SYNPR: variants seen among roughly 807,000 people sequenced by gnomAD.
SYNPR encodes the protein synaptoporin.
SYNPR carries 23 observed loss-of-function variants against 32.9 expected under a neutral mutation model. The ratio of observed to expected loss-of-function variants is 0.70; its 90% CI spans 0.50 to 0.99. SYNPR has a LOEUF of 0.99. SYNPR is among the 50% of genes least tolerant of loss of function. The pLI is 0.00. For synonymous variants in SYNPR, 146 were observed against 135.9 expected, an observed-to-expected ratio of 1.07 and a Z score of -0.52; for missense variants, 318 against 349.3, an observed-to-expected ratio of 0.91 and a Z score of 0.71.
upstream of SYNPR, among the ~76,000 whole-genome samples, chr3:63,274,066 G>A (rs367812755): frequency 7.9e-5 from 12 of 152,302 alleles, no homozygotes; most frequent in East Asian, 1.7e-3. Context: ...GAAATTTCAG[G>A]TTAGCAGCAT....
chr3:63,491,346 G>A (rs1036502531), intron 3 of SYNPR, among the ~76,000 whole-genome samples: 2 of 151,998 alleles, frequency 1.3e-5, no homozygotes, highest in African/African-American at 2.4e-5. Flanking sequence ...GGATGATTTG[G>A]AAAGGGTCCT....
the SYNPR span, among the ~76,000 whole-genome samples, chr3:63,202,256 A>G: frequency 6.6e-6 from 1 of 152,180 alleles, no homozygotes; most frequent in African/African-American, 2.4e-5. Context: ...TGTATTGGTG[A>G]TAATGACCAA....
intron 3 of SYNPR, among the ~76,000 whole-genome samples, chr3:63,516,708 T>A (rs1701807120): frequency 6.6e-6 from 1 of 152,122 alleles, no homozygotes; most frequent in Admixed American, 6.6e-5. Context: ...AATACTCAGT[T>A]ATATACAACT....
intron 2 of SYNPR, among the ~76,000 whole-genome samples, chr3:63,317,636 G>C (rs2087057096): frequency 6.6e-6 from 1 of 151,960 alleles, no homozygotes; most frequent in Non-Finnish European, 1.5e-5. Flanking sequence ...TGTTAGGTGA[G>C]TCTCCTGGAG....
intron 2 of SYNPR, among the ~76,000 whole-genome samples, chr3:63,345,880 T>A (rs1300849883): frequency 6.6e-6 from 1 of 152,020 alleles, no homozygotes; most frequent in Non-Finnish European, 1.5e-5. Context: ...AGTGGCGCAA[T>A]CTCAGCTCAC....
At chr3:63,528,857 T>A (rs1432323061) in intron 3 of SYNPR, among the ~76,000 whole-genome samples, 6 of 152,206 alleles carry the variant, frequency 3.9e-5, no homozygotes, top group African/African-American at 1.4e-4. Context: ...AAATATATGA[T>A]GTCTTCATCC....
intron 4 of SYNPR, among the ~76,000 whole-genome samples, chr3:63,570,205 G>T (rs562482378): frequency 6.6e-6 from 1 of 152,278 alleles, no homozygotes; most frequent in African/African-American, 2.4e-5. Flanking sequence ...ACACTTAGGG[G>T]AACAGGGCGG....
intron 3 of SYNPR, among the ~76,000 whole-genome samples, chr3:63,544,022 C>T (rs1179039703): frequency 6.6e-6 from 1 of 151,824 alleles, no homozygotes; most frequent in Non-Finnish European, 1.5e-5. Flanking sequence ...CTTTGTGGGC[C>T]AGGTTAAGGG....
chr3:63,451,938 C>T, intron 2 of SYNPR: 1 of 575,488 alleles, frequency 1.7e-6, no homozygotes, highest in Non-Finnish European at 3.1e-6. Context: ...CCTCAGCTCA[C>T]CTCTTCACTC....
At chr3:63,464,118 G>A (rs1206795050) in intron 2 of SYNPR, among the ~76,000 whole-genome samples, 1 of 152,134 alleles carries the variant, frequency 6.6e-6, no homozygotes, top group African/African-American at 2.4e-5. Flanking sequence ...TTAAATGCTT[G>A]CTATGAGTTG....
chr3:63,359,329 C>T (rs1283564100), intron 2 of SYNPR, among the ~76,000 whole-genome samples: 1 of 152,188 alleles, frequency 6.6e-6, no homozygotes, highest in Non-Finnish European at 1.5e-5. Flanking sequence ...AATTTCTGTA[C>T]CACTCACAGA....
chr3:63,431,408 C>T (rs931694978), intron 2 of SYNPR, among the ~76,000 whole-genome samples: 1 of 152,186 alleles, frequency 6.6e-6, no homozygotes, highest in Admixed American at 6.5e-5. Context: ...TTAGGTCTGT[C>T]CATTCATTCA....
chr3:63,598,308 C>T (rs924827097), intron 4 of SYNPR, among the ~76,000 whole-genome samples: 7 of 152,102 alleles, frequency 4.6e-5, no homozygotes, highest in Non-Finnish European at 1.0e-4. Flanking sequence ...CTTTTCTATA[C>T]CCCAGGGTGA....
intron 2 of SYNPR, among the ~76,000 whole-genome samples, chr3:63,457,884 A>G (rs1376638009): frequency 1.3e-5 from 2 of 152,100 alleles, no homozygotes; most frequent in Non-Finnish European, 2.9e-5. Context: ...TTTGGATATT[A>G]CTGATAACTC....
At position 63,284,366 on chromosome 3, in the gene SYNPR, G is replaced by C. The variant is rs80277456; in HGVS notation, c.84+5624G>C. Among the ~76,000 whole-genome samples, 319 of 152,278 alleles carry C rather than the reference G, an allele frequency of 2.1e-3. 8 individuals carry two copies. The East Asian group carries it at 0.053, about 25-fold the overall frequency. ...AAACAATATTTGTGTGGCTTGCATA[G>C]TTCTCCAACACAATGCTGCAGCCCT... On this transcript the variant is annotated intron_variant, in intron 2 of 5. Coordinates refer to ENST00000478300, the MANE Select transcript of SYNPR (RefSeq NM_001130003.2).
chr3:63,548,416 G>A (rs1257206665), intron 3 of SYNPR, among the ~76,000 whole-genome samples: 1 of 152,108 alleles, frequency 6.6e-6, no homozygotes, highest in Non-Finnish European at 1.5e-5. Context: ...GTGTGAAAGT[G>A]CTACATAAAT....
chr3:63,520,503 T>A (rs1003424974), intron 3 of SYNPR, among the ~76,000 whole-genome samples: 4 of 152,032 alleles, frequency 2.6e-5, no homozygotes, highest in African/African-American at 7.2e-5. Context: ...TGAAACCCTG[T>A]CTCTACTAAA....
chr3:63,390,638 G>A (rs574758975), intron 2 of SYNPR, among the ~76,000 whole-genome samples: 45 of 152,298 alleles, frequency 3.0e-4, no homozygotes, highest in African/African-American at 1.0e-3. Context: ...AATTCCTAGG[G>A]CTTCGGGTTC....
the SYNPR span, among the ~76,000 whole-genome samples, chr3:63,222,011 A>ATTTTTTTT: frequency 2.1e-3 from 119 of 56,406 alleles, 18 homozygotes; most frequent in East Asian, 7.0e-3. Flanking sequence ...GCCATGCTCA[A>ATTTTTTTT]TTTTTTTTTT....
Sources: gnomAD v4.1 joint callset for allele counts (sites outside exome capture counted in the v4.1 genomes callset) on GRCh38, gnomAD v4.1.1 for gene constraint, MANE v1.5 for transcripts, NCBI Gene and HGNC (gene_info 2026-07-23, HGNC 2026-07-21) for gene names.